CLIC5: variants seen among roughly 807,000 people sequenced by gnomAD.
The protein encoded by CLIC5 is chloride intracellular channel protein 5.
Under a neutral mutation model 24.7 loss-of-function variants are expected in CLIC5, and 20 were observed. The observed-to-expected ratio is 0.81, with a 90% confidence interval of 0.57 to 1.18. The LOEUF (loss-of-function observed/expected upper bound fraction) is 1.18. Ranked by LOEUF, CLIC5 falls within the 50% of genes most tolerant of loss-of-function variation. CLIC5 has a pLI of 0.00. For missense variants in CLIC5, 341 were observed against 326.1 expected, an observed-to-expected ratio of 1.05 and a Z score of -0.35; for synonymous variants, 159 against 135.6, an observed-to-expected ratio of 1.17 and a Z score of -1.20.
At chr6:45,910,782 GC>G (rs1762794940) in intron 5 of CLIC5, among the ~76,000 whole-genome samples, 1 of 152,266 alleles carries the variant, frequency 6.6e-6, no homozygotes, top group Non-Finnish European at 1.5e-5. Context: ...TCTCTTCTTT[GC>G]CAGTGAATCC....
In CLIC5 at chr6:45,914,051, C is replaced by G. The variant is rs532506743; in HGVS notation, c.588+177G>C. On this transcript the variant is annotated intron_variant, in intron 5 of 5. Transcript: ENST00000339561. ...CCTATTTTATAAATGAAAACTGAAG[C>G]TCAAGGAGGCCACACAGCCAACAAG... 5.3e-5 allele frequency among the ~76,000 whole-genome samples: 8 copies of G among 152,236 alleles called. 1 individual carries two copies. In the South Asian group the frequency reaches 1.7e-3, roughly 32 times the overall value.
At chr6:45,979,822 G>A (rs185114980) in intron 1 of CLIC5, among the ~76,000 whole-genome samples, 19 of 150,292 alleles carry the variant, frequency 1.3e-4, no homozygotes, top group Non-Finnish European at 1.9e-4. Context: ...ATTTTCTCCC[G>A]TTCTGTAGGT....
the CLIC5 span, among the ~76,000 whole-genome samples, chr6:46,123,318 C>T: frequency 6.6e-6 from 1 of 152,088 alleles, no homozygotes; most frequent in Non-Finnish European, 1.5e-5. Flanking sequence ...ATTAACAGAA[C>T]CAAAGACAAA....
At chr6:45,951,698 C>A (rs1383829528) in intron 2 of CLIC5, among the ~76,000 whole-genome samples, 1 of 152,080 alleles carries the variant, frequency 6.6e-6, no homozygotes, top group Admixed American at 6.6e-5. Context: ...GGGATTCACC[C>A]CAAATGCTCT....
chr6:45,949,469 C>A (rs1764399138), intron 2 of CLIC5, 88 bp from the exon 3 acceptor site: 1 of 1,415,012 alleles, frequency 7.1e-7, no homozygotes, highest in Non-Finnish European at 9.7e-7. Context: ...CTTAGATGCC[C>A]TGTGCTATCC....
the CLIC5 span, among the ~76,000 whole-genome samples, chr6:46,103,631 AG>A: frequency 2.2e-5 from 3 of 139,418 alleles, no homozygotes; most frequent in Non-Finnish European, 4.9e-5. Context: ...CTGCAACCTC[AG>A]GATGGCATAC....
At chr6:45,933,706 A>G (rs1460479808) in intron 4 of CLIC5, among the ~76,000 whole-genome samples, 1 of 152,230 alleles carries the variant, frequency 6.6e-6, no homozygotes, top group Non-Finnish European at 1.5e-5. Flanking sequence ...ATCTTGATGA[A>G]AATAGATAAG....
intron 1 of CLIC5, among the ~76,000 whole-genome samples, chr6:46,072,740 A>C (rs1762643927): frequency 6.6e-6 from 1 of 152,148 alleles, no homozygotes; most frequent in Non-Finnish European, 1.5e-5. Flanking sequence ...GGCTTAGAAA[A>C]GGATTTGTTT....
the CLIC5 span, among the ~76,000 whole-genome samples, chr6:46,090,629 C>A: frequency 6.6e-6 from 1 of 152,090 alleles, no homozygotes; most frequent in East Asian, 1.9e-4. Context: ...CAACACGATG[C>A]CTTAATATGT....
intron 1 of CLIC5, among the ~76,000 whole-genome samples, chr6:45,984,243 G>A (rs1466036704): frequency 6.6e-6 from 1 of 152,226 alleles, no homozygotes. Context: ...TTGTGCTCAA[G>A]ATGAGAGGGA....
chr6:46,050,260 C>T lies in CLIC5; in HGVS notation c.540+29443G>A, dbSNP rs992110118. Among the ~76,000 whole-genome samples the T allele has an allele frequency of 4.6e-5, 7 of 152,200 alleles. 1 individual carries two copies. The highest frequency in any genetic ancestry group is 1.7e-4 in the African/African-American group (7 of 41,450). On this transcript the variant is annotated intron_variant, in intron 1 of 5. Transcript: ENST00000185206. ...TGTACCTGCAGCTGTGGACAGATTC[C>T]TGCACGTAGTACACCCAGTCTCTGA...
intron 1 of CLIC5, among the ~76,000 whole-genome samples, chr6:45,961,755 A>T (rs1391773087): frequency 6.6e-6 from 1 of 152,156 alleles, no homozygotes; most frequent in African/African-American, 2.4e-5. Flanking sequence ...ATGAGGACAG[A>T]GAGGTCTACC....
intron 1 of CLIC5, among the ~76,000 whole-genome samples, chr6:45,996,370 T>G (rs1055037616): frequency 7.2e-5 from 11 of 152,106 alleles, no homozygotes; most frequent in African/African-American, 2.7e-4. Flanking sequence ...ATTTGTCAAT[T>G]TTGTCTTTTG....
intron 4 of CLIC5, among the ~76,000 whole-genome samples, chr6:45,939,857 G>A (rs1223658063): frequency 6.9e-6 from 1 of 145,802 alleles, no homozygotes. Context: ...TTACTATGTT[G>A]CCCAGGCTAG....
At chr6:46,107,799 G>C in the CLIC5 span, among the ~76,000 whole-genome samples, 215 of 152,260 alleles carry the variant, frequency 1.4e-3, no homozygotes, top group African/African-American at 5.0e-3. Flanking sequence ...ACTTTGGGAG[G>C]TCAAGGTGGG....
chr6:46,045,650 G>A (rs1767932882), intron 1 of CLIC5, among the ~76,000 whole-genome samples: 1 of 152,112 alleles, frequency 6.6e-6, no homozygotes, highest in Admixed American at 6.6e-5. Flanking sequence ...TAAGAAAGCA[G>A]TAAGCCAGAG....
At chr6:45,908,659 T>A (rs920681266) in intron 5 of CLIC5, among the ~76,000 whole-genome samples, 13 of 152,184 alleles carry the variant, frequency 8.5e-5, no homozygotes, top group Non-Finnish European at 1.8e-4. Context: ...TTTCTATTTT[T>A]TTTAATTTAT....
intron 1 of CLIC5, among the ~76,000 whole-genome samples, chr6:45,967,692 C>T (rs542628465): frequency 7.2e-5 from 11 of 152,210 alleles, no homozygotes; most frequent in African/African-American, 2.6e-4. Context: ...AGTGCCATGC[C>T]AGCATTTGCT....
chr6:45,922,048 C>T (rs1763283765), intron 4 of CLIC5, among the ~76,000 whole-genome samples: 1 of 152,172 alleles, frequency 6.6e-6, no homozygotes, highest in Non-Finnish European at 1.5e-5. Context: ...AAGCAAAATG[C>T]AATGGCAACT....
Sources: allele counts gnomAD v4.1 joint callset (sites outside exome capture counted in the v4.1 genomes callset), GRCh38; gene constraint gnomAD v4.1.1; transcripts MANE v1.5; gene names NCBI Gene and HGNC (gene_info 2026-07-23, HGNC 2026-07-21).